Variants in PCMT1 observed in about 807,000 individuals in gnomAD.
PCMT1 encodes the protein protein-L-isoaspartate(D-aspartate) O-methyltransferase.
In PCMT1, 9 loss-of-function variants were observed where a neutral mutation model predicts 29.2. The observed-to-expected ratio is 0.31, with a 90% CI of 0.19 to 0.54. PCMT1 has a LOEUF of 0.54. Among genes scored for constraint, PCMT1 ranks in the 20% least tolerant of loss-of-function variants. The pLI is 0.95. For synonymous variants in PCMT1, 98 were observed against 97.5 expected (o/e 1.00, Z -0.03); for missense variants, 184 against 282.2 (o/e 0.65, Z 2.49).
At chr6:149,801,945 A>G (rs1422079303) in intron 6 of PCMT1, among the ~76,000 whole-genome samples, 1 of 152,012 alleles carries the variant, frequency 6.6e-6, no homozygotes, top group East Asian at 1.9e-4. Flanking sequence ...TGTGGCCAAT[A>G]TGGTGAAACC....
chr6:149,784,485 T>A lies in PCMT1; in HGVS notation c.193-5469T>A, dbSNP rs1264007308. ...TTTATTTAACTCTCTCTTTTTTTTT[T>A]TTTGAGGCAGAGTCATGCTCTGTGG... On this transcript the variant is annotated intron_variant, in intron 3 of 7. Transcript: ENST00000464889. 2.6e-5 allele frequency among the ~76,000 whole-genome samples: 4 copies of A among 152,040 alleles called. No individual in the cohort carries two copies. In the East Asian group the frequency reaches 7.7e-4, roughly 29 times the overall value.
At chr6:149,791,075 A>C (rs1283592230) in intron 4 of PCMT1, among the ~76,000 whole-genome samples, 2 of 152,100 alleles carry the variant, frequency 1.3e-5, no homozygotes, top group Non-Finnish European at 2.9e-5. Flanking sequence ...GACAACTCAG[A>C]ATTCTACTTC....
At chr6:149,801,624 T>C (rs2115337279) in intron 6 of PCMT1, among the ~76,000 whole-genome samples, 1 of 152,106 alleles carries the variant, frequency 6.6e-6, no homozygotes, top group East Asian at 2.0e-4. Context: ...TTTTGTACTT[T>C]TTTAGTAGAG....
At chr6:149,792,989 T>C (rs929983227) in intron 4 of PCMT1, among the ~76,000 whole-genome samples, 4 of 151,828 alleles carry the variant, frequency 2.6e-5, no homozygotes, top group Admixed American at 6.6e-5. Flanking sequence ...GGTGAAACCC[T>C]GTCTCTACTA....
chr6:149,782,487 C>T (rs1787852146), intron 3 of PCMT1, among the ~76,000 whole-genome samples: 1 of 152,150 alleles, frequency 6.6e-6, no homozygotes, highest in African/African-American at 2.4e-5. Context: ...ATCCTGGTAG[C>T]AGTGAGCACA....
chr6:149,789,202 A>T (rs1788252495), intron 3 of PCMT1, among the ~76,000 whole-genome samples: 1 of 151,114 alleles, frequency 6.6e-6, no homozygotes, highest in South Asian at 2.1e-4. Flanking sequence ...CAGCCTCCCG[A>T]GTAGCTGGGA....
At chr6:149,767,038 G>T (rs900530078) in intron 1 of PCMT1, among the ~76,000 whole-genome samples, 17 of 151,950 alleles carry the variant, frequency 1.1e-4, no homozygotes, top group Non-Finnish European at 1.9e-4. Flanking sequence ...GTGAAACCCT[G>T]TCTCTGCTAA....
At chr6:149,783,032 G>A (rs774273701) in intron 3 of PCMT1, among the ~76,000 whole-genome samples, 10 of 152,106 alleles carry the variant, frequency 6.6e-5, no homozygotes, top group Admixed American at 1.3e-4. Context: ...TATCATCAAT[G>A]TAATGAATTA....
intron 3 of PCMT1, among the ~76,000 whole-genome samples, chr6:149,780,965 A>G (rs1208783585): frequency 1.3e-5 from 2 of 152,192 alleles, no homozygotes; most frequent in African/African-American, 2.4e-5. Context: ...CAGTCCCACT[A>G]GCAATGTATG....
chr6:149,795,577 A>G (rs1788572275), intron 5 of PCMT1: 2 of 524,898 alleles, frequency 3.8e-6, no homozygotes, highest in Non-Finnish European at 3.5e-6. Context: ...ACACAACCCA[A>G]TGAGAAAGGA....
At chr6:149,774,235 TTTTTC>T (rs1268818263) in intron 3 of PCMT1, among the ~76,000 whole-genome samples, 3 of 151,672 alleles carry the variant, frequency 2.0e-5, no homozygotes, top group South Asian at 4.1e-4. Flanking sequence ...TTTTCTTTTC[TTTTTC>T]TTTTCTTTTT....
intron 7 of PCMT1, among the ~76,000 whole-genome samples, chr6:149,805,526 C>T (rs562505347): frequency 6.0e-5 from 9 of 150,696 alleles, no homozygotes; most frequent in Admixed American, 1.3e-4. Flanking sequence ...CCTGGGAGGC[C>T]GAGCTTGCAG....
chr6:149,773,909 C>A (rs1438069870), intron 3 of PCMT1, among the ~76,000 whole-genome samples: 2 of 152,160 alleles, frequency 1.3e-5, no homozygotes, highest in Non-Finnish European at 2.9e-5. Flanking sequence ...AGCCATTAAG[C>A]TGCATAGCTC....
intron 3 of PCMT1, among the ~76,000 whole-genome samples, chr6:149,787,823 CTGTGTG>C (rs35913473): frequency 1.3e-5 from 2 of 150,244 alleles, no homozygotes; most frequent in South Asian, 2.1e-4. Context: ...CCTCTCTCCT[CTGTGTG>C]TGTGTGTGTG....
chr6:149,804,512 TA>T (rs1775950107), intron 7 of PCMT1, among the ~76,000 whole-genome samples: 1 of 152,032 alleles, frequency 6.6e-6, no homozygotes, highest in Admixed American at 6.6e-5. Flanking sequence ...TAATTTAATT[TA>T]AAAAAGTGTT....
At chr6:149,758,208 C>CTTTTTTTTTTTTTTTTTTT (rs756014067) in intron 1 of PCMT1, among the ~76,000 whole-genome samples, 144 of 73,796 alleles carry the variant, frequency 2.0e-3, no homozygotes, top group East Asian at 3.0e-3. Flanking sequence ...TTCTTTCTTT[C>CTTTTTTTTTTTTTTTTTTT]TTTTTTTTTT....
At chr6:149,772,613 G>A in intron 2 of PCMT1, 1 of 455,716 alleles carries the variant, frequency 2.2e-6, no homozygotes, top group Non-Finnish European at 4.4e-6. Context: ...TGTTTTACTA[G>A]ATGAGCACGT....
chr6:149,782,242 T>A (rs1415393862), intron 3 of PCMT1, among the ~76,000 whole-genome samples: 3 of 152,156 alleles, frequency 2.0e-5, no homozygotes, highest in Admixed American at 6.6e-5. Flanking sequence ...AAAATATTTT[T>A]AATTGTATTA....
chr6:149,809,202 T>C (rs1184994142), intron 7 of PCMT1, among the ~76,000 whole-genome samples: 1 of 122,948 alleles, frequency 8.1e-6, no homozygotes, highest in African/African-American at 3.2e-5. Context: ...GAGGTTGCAG[T>C]GAGCCATGAT....
Sources: allele counts gnomAD v4.1 joint callset (sites outside exome capture counted in the v4.1 genomes callset), GRCh38; gene constraint gnomAD v4.1.1; transcripts MANE v1.5; gene names NCBI Gene and HGNC (gene_info 2026-07-23, HGNC 2026-07-21).